Variants in ZNF469 observed in about 807,000 individuals in gnomAD.
ZNF469 encodes the protein zinc finger protein 469.
ZNF469 carries 1 observed loss-of-function variant against 1.0 expected under a neutral mutation model. The observed-to-expected ratio is 1.00, with a 90% CI of 0.35 to 4.73. The LOEUF is 4.73. Ranked by LOEUF, ZNF469 falls within the 30% of genes most tolerant of loss-of-function variation. ZNF469 has a pLI of 0.16. For synonymous variants in ZNF469, 2,703 were observed against 2,363.4 expected, an observed-to-expected ratio of 1.14 and a Z score of -4.17; for missense variants, 6,100 against 5,356.3, an observed-to-expected ratio of 1.14 and a Z score of -4.33.
Position 88,433,851 on chromosome 16 carries a change from T to G in ZNF469, c.6381T>G (p.Leu2127=). ...CAGCCGCCCACATGCCCTGCAGCCT[T>G]GGGCCCCTGCCCCGTGAAGACCCAC... The part of the protein sequence containing the change: ...PTSAAHMPCS[L]GPLPREDPLT... The change falls in exon 3 of 3, where the codon CTT becomes CTG. Residue 2127 remains leucine (L), a synonymous_variant. Coordinates refer to ENST00000565624, the MANE Select transcript of ZNF469 (RefSeq NM_001367624.2). 6.5e-7 allele frequency: 1 copy of G among 1,549,660 alleles called. No individual in the cohort carries two copies.
At chr16:88,255,974 G>C in the ZNF469 span, among the ~76,000 whole-genome samples, 1 of 152,180 alleles carries the variant, frequency 6.6e-6, no homozygotes, top group African/African-American at 2.4e-5. Flanking sequence ...GCTGACATTA[G>C]CCATTAGGCT....
At chr16:88,209,336 G>A in the ZNF469 span, among the ~76,000 whole-genome samples, 1 of 151,594 alleles carries the variant, frequency 6.6e-6, no homozygotes, top group Non-Finnish European at 1.5e-5. Context: ...TGTTGCCCAG[G>A]CTGGAGTGCA....
intron 1 of ZNF469, among the ~76,000 whole-genome samples, chr16:88,390,238 C>G (rs1442662418): frequency 1.3e-5 from 2 of 152,144 alleles, no homozygotes; most frequent in African/African-American, 4.8e-5. Flanking sequence ...GTGGGCCCAG[C>G]GGGTCCTGGG....
chr16:88,282,899 C>T, the ZNF469 span, among the ~76,000 whole-genome samples: 17 of 152,248 alleles, frequency 1.1e-4, no homozygotes, highest in African/African-American at 3.4e-4. Flanking sequence ...ATTCTGGGAG[C>T]GCATTACCTC....
At chr16:88,340,708 G>A in the ZNF469 span, among the ~76,000 whole-genome samples, 1 of 151,762 alleles carries the variant, frequency 6.6e-6, no homozygotes, top group South Asian at 2.1e-4. Flanking sequence ...GAGGAGTCCC[G>A]CTGGAACAGA....
chr16:88,153,857 G>A, the ZNF469 span, among the ~76,000 whole-genome samples: 2 of 152,220 alleles, frequency 1.3e-5, no homozygotes, highest in Admixed American at 6.5e-5. Flanking sequence ...GAGAAGGGGA[G>A]ACAGAAATCC....
the ZNF469 span, among the ~76,000 whole-genome samples, chr16:88,208,218 A>G: frequency 3.3e-5 from 5 of 151,684 alleles, no homozygotes; most frequent in African/African-American, 1.2e-4. Flanking sequence ...TGTCCCCATC[A>G]TCCTTTAAGT....
the ZNF469 span, among the ~76,000 whole-genome samples, chr16:88,242,167 C>T: frequency 6.6e-6 from 1 of 152,214 alleles, no homozygotes; most frequent in South Asian, 2.1e-4. Context: ...CTGCAACCGG[C>T]TCTAGTGGTC....
Position 88,434,593 on chromosome 16 carries a change from A to C in ZNF469, c.7123A>C (p.Lys2375Gln), listed in dbSNP as rs1281019843. The C allele has an allele frequency of 6.5e-7, 1 of 1,550,320 alleles. No homozygotes were observed. Among genetic ancestry groups the C allele is most frequent in the Non-Finnish European group, 8.7e-7 (1 of 1,146,928 alleles). ...CLEGEMGTSS[K>Q]EPEDPGTPET... Reference sequence around the variant, plus strand: ...GGAAGGTGAGATGGGGACCAGCAGCAAGGAGCCGGAGGACCCAGGGACCCC... The same window carrying C: ...GGAAGGTGAGATGGGGACCAGCAGCCAGGAGCCGGAGGACCCAGGGACCCC... Residue 2375 changes from lysine (K) to glutamine (Q), a missense_variant, in exon 3 of 3, where the codon AAG becomes CAG. Physicochemically the swap from Lys to Gln is moderately conservative, Grantham distance 53. Transcript: ENST00000565624.
At chr16:88,402,372 T>C (rs1360859729) in intron 1 of ZNF469, among the ~76,000 whole-genome samples, 1 of 152,120 alleles carries the variant, frequency 6.6e-6, no homozygotes, top group Non-Finnish European at 1.5e-5. Flanking sequence ...CCAGTTATGC[T>C]AAGGATGCTG....
At chr16:88,309,984 C>T in the ZNF469 span, among the ~76,000 whole-genome samples, 7 of 152,226 alleles carry the variant, frequency 4.6e-5, no homozygotes, top group Non-Finnish European at 8.8e-5. Context: ...AGGTCCATGA[C>T]CCACCCGTGT....
Position 88,395,958 on chromosome 16 carries a change from T to C in ZNF469, c.-192+12704T>C, listed in dbSNP as rs555285313. On this transcript the variant is annotated intron_variant, in intron 1 of 2. Transcript: ENST00000565624. ...CCACCCCAGGTGAACTCTGGAGTCATCCCCACTGCAGGTGACGCCCTCCCA... is the reference window on the plus strand; with the variant it reads ...CCACCCCAGGTGAACTCTGGAGTCACCCCCACTGCAGGTGACGCCCTCCCA... Among the ~76,000 whole-genome samples, 221 of 152,318 alleles carry C rather than the reference T, an allele frequency of 1.5e-3. 2 individuals are homozygous for C. Among genetic ancestry groups the C allele is most frequent in the African/African-American group, 5.1e-3 (212 of 41,576 alleles).
chr16:88,231,511 G>C, the ZNF469 span, among the ~76,000 whole-genome samples: 2 of 152,170 alleles, frequency 1.3e-5, no homozygotes, highest in South Asian at 2.1e-4. This position sits in a 1 kb window ranked among gnomAD's most constrained non-coding sequence, Gnocchi z 4.5. Flanking sequence ...ACACCTCGCT[G>C]GGCTAAAATC....
At chr16:88,401,556 T>C in intron 1 of ZNF469, among the ~76,000 whole-genome samples, 1 of 81,386 alleles carries the variant, frequency 1.2e-5, no homozygotes, top group African/African-American at 7.7e-5. Context: ...GATGGATGCA[T>C]GGGTGGATGG....
At chr16:88,376,204 G>A in the ZNF469 span, among the ~76,000 whole-genome samples, 1 of 152,244 alleles carries the variant, frequency 6.6e-6, no homozygotes. Context: ...ACATCAATGC[G>A]CCTTTTACTG....
chr16:88,291,009 A>G, the ZNF469 span, among the ~76,000 whole-genome samples: 1 of 152,148 alleles, frequency 6.6e-6, no homozygotes. Context: ...CTCCTGCCAC[A>G]TGGGGTATCT....
In ZNF469 at chr16:88,400,100, T is replaced by C. The variant is rs114703486; in HGVS notation, c.-192+16846T>C. On this transcript the variant is annotated intron_variant, in intron 1 of 2. Coordinates refer to ENST00000565624, the MANE Select transcript of ZNF469 (RefSeq NM_001367624.2). ...GGGAGGCAGTGTCCGGGCCAGCCGT[T>C]CATCAGCAGCAAATGCCATCATGCC... is the stretch of plus-strand genomic sequence containing the variant. 3.4e-3 allele frequency among the ~76,000 whole-genome samples: 524 copies of C among 152,286 alleles called. 3 individuals are homozygous for C. The highest frequency in any genetic ancestry group is 0.012 in the African/African-American group (500 of 41,544).
chr16:88,396,806 G>A (rs1176489450), intron 1 of ZNF469, among the ~76,000 whole-genome samples: 1 of 148,648 alleles, frequency 6.7e-6, no homozygotes, highest in Non-Finnish European at 1.5e-5. Context: ...TGAGAAGGGA[G>A]GCCAGGCAGA....
At chr16:88,324,579 C>G in the ZNF469 span, among the ~76,000 whole-genome samples, 4 of 152,164 alleles carry the variant, frequency 2.6e-5, no homozygotes, top group East Asian at 3.8e-4. Context: ...CTTAAGCGGC[C>G]GTGTACAGAG....
Sources: gnomAD v4.1 joint callset for allele counts (sites outside exome capture counted in the v4.1 genomes callset) on GRCh38, gnomAD v4.1.1 for gene constraint, Gnocchi (gnomAD v3.1) non-coding constraint, MANE v1.5 for transcripts, NCBI Gene and HGNC (gene_info 2026-07-23, HGNC 2026-07-21) for gene names.